Variants in BCAR3 observed in about 807,000 individuals in gnomAD.
BCAR3 encodes BCAR3 adaptor protein, NSP family member.
BCAR3 carries 37 observed loss-of-function variants against 80.1 expected under a neutral mutation model. The observed-to-expected ratio is 0.46, with a 90% CI of 0.36 to 0.61. The LOEUF is 0.61. Among genes scored for constraint, BCAR3 ranks in the 20% least tolerant of loss-of-function variants. The pLI is 0.00. For synonymous variants in BCAR3, 389 were observed against 418.9 expected, an observed-to-expected ratio of 0.93 and a Z score of 0.87; for missense variants, 978 against 1,068.2, an observed-to-expected ratio of 0.92 and a Z score of 1.18.
At chr1:93,660,394 T>C (rs1361847415) in intron 2 of BCAR3, among the ~76,000 whole-genome samples, 2 of 152,208 alleles carry the variant, frequency 1.3e-5, no homozygotes, top group Non-Finnish European at 2.9e-5. Flanking sequence ...TGAATCTCTC[T>C]GAACATGTTT....
chr1:93,621,037 G>A (rs879419830), intron 3 of BCAR3, among the ~76,000 whole-genome samples: 6 of 152,204 alleles, frequency 3.9e-5, no homozygotes, highest in African/African-American at 1.2e-4. Context: ...GGGATCACCC[G>A]CCTAGGAAGG....
At chr1:93,608,132 G>A (rs1346936292) in intron 3 of BCAR3, among the ~76,000 whole-genome samples, 1 of 152,186 alleles carries the variant, frequency 6.6e-6, no homozygotes, top group Non-Finnish European at 1.5e-5. Flanking sequence ...TAGACACTGG[G>A]GAGAGTTCTT....
chr1:93,847,697 C>T (rs980968343), upstream of BCAR3: 1 of 150,700 alleles, frequency 6.6e-6, no homozygotes, highest in South Asian at 2.0e-4. Context: ...TATTTTCTGC[C>T]TCCATCATGT....
At chr1:93,563,041 G>A (rs1672767880) in intron 11 of BCAR3, among the ~76,000 whole-genome samples, 1 of 152,112 alleles carries the variant, frequency 6.6e-6, no homozygotes, top group Admixed American at 6.5e-5. Flanking sequence ...ATTGTACCTA[G>A]GAGTTCGTTA....
chr1:93,711,806 A>C (rs894395600), intron 2 of BCAR3, among the ~76,000 whole-genome samples: 8 of 152,172 alleles, frequency 5.3e-5, no homozygotes, highest in Non-Finnish European at 1.0e-4. Flanking sequence ...CTGCTAAGGA[A>C]GCACCTACAG....
intron 8 of BCAR3, among the ~76,000 whole-genome samples, chr1:93,572,549 G>C (rs6666778): frequency 0.16 from 25,016 of 152,194 alleles, 2,266 homozygotes; most frequent in Non-Finnish European, 0.2. Flanking sequence ...ACCCAAAACA[G>C]GAAGCAGGGT....
At chr1:93,611,962 C>T (rs922849530) in intron 3 of BCAR3, among the ~76,000 whole-genome samples, 1 of 152,098 alleles carries the variant, frequency 6.6e-6, no homozygotes, top group Non-Finnish European at 1.5e-5. Flanking sequence ...TTCCTCTTTG[C>T]TATCAGGCAA....
At chr1:93,693,060 C>A (rs1477480300) in intron 3 of BCAR3, among the ~76,000 whole-genome samples, 1 of 152,106 alleles carries the variant, frequency 6.6e-6, no homozygotes, top group African/African-American at 2.4e-5. Context: ...CTCTCCAGTG[C>A]CCGGGGTTTG....
At chr1:93,583,988 C>T (rs763710747) in intron 6 of BCAR3, 30 bp downstream of exon 6, 23 of 1,596,850 alleles carry the variant, frequency 1.4e-5, no homozygotes, top group Admixed American at 6.7e-5. Flanking sequence ...GTAACACTGA[C>T]GTTCTCCCTG....
In BCAR3 at chr1:93,814,183, C is replaced by A. The variant is rs562829710; in HGVS notation, c.-63+31384G>T. On this transcript the variant is annotated intron_variant, in intron 2 of 13. Coordinates refer to the BCAR3 transcript ENST00000370244. ...ATGGCCTCTTGGTGGAGGCTGTCCT[C>A]TGCTGGTTATTCTCAACATTGCATC... is the stretch of plus-strand genomic sequence containing the variant. 1.1e-4 allele frequency among the ~76,000 whole-genome samples: 16 copies of A among 152,308 alleles called. No homozygotes were observed. In the South Asian group the frequency reaches 2.9e-3, roughly 28 times the overall value.
At chr1:93,754,235 T>C (rs1324885550) in intron 2 of BCAR3, 1 of 152,192 alleles carries the variant, frequency 6.6e-6, no homozygotes, top group Non-Finnish European at 1.5e-5. Context: ...AACTGCTCAG[T>C]CAGCCTTCCG....
At chr1:93,743,142 G>GT (rs1651236922) in intron 2 of BCAR3, among the ~76,000 whole-genome samples, 1 of 152,162 alleles carries the variant, frequency 6.6e-6, no homozygotes, top group Non-Finnish European at 1.5e-5. Context: ...CAGTGCCAAA[G>GT]TGAATACAGT....
chr1:93,743,102 A>T (rs1346308520), intron 2 of BCAR3, among the ~76,000 whole-genome samples: 1 of 152,232 alleles, frequency 6.6e-6, no homozygotes. Context: ...ATATTTGATC[A>T]GTTTTTGTTA....
intron 2 of BCAR3, 134 bp from the exon 3 acceptor site, chr1:93,642,477 A>T: frequency 1.2e-6 from 1 of 814,916 alleles, no homozygotes; most frequent in Non-Finnish European, 2.0e-6. Context: ...CAGTATTCAC[A>T]ACAGGGTGTG....
chr1:93,623,645 G>A (rs1446567099), intron 3 of BCAR3, among the ~76,000 whole-genome samples: 1 of 152,180 alleles, frequency 6.6e-6, no homozygotes, highest in African/African-American at 2.4e-5. Context: ...TCCTAAAAAT[G>A]TTTTCCTTCC....
intron 2 of BCAR3, among the ~76,000 whole-genome samples, chr1:93,746,762 C>G (rs1418810339): frequency 6.6e-6 from 1 of 152,170 alleles, no homozygotes; most frequent in African/African-American, 2.4e-5. Flanking sequence ...ACTAACACAA[C>G]TCCCACACTC....
At chr1:93,640,872 A>G (rs1354718438) in intron 3 of BCAR3, among the ~76,000 whole-genome samples, 1 of 152,268 alleles carries the variant, frequency 6.6e-6, no homozygotes, top group Non-Finnish European at 1.5e-5. Context: ...GTGGTAGGAG[A>G]TAGCCAATTT....
intron 2 of BCAR3, among the ~76,000 whole-genome samples, chr1:93,749,886 C>CTTTTTTTTTT (rs754541949): frequency 3.6e-5 from 5 of 140,398 alleles, no homozygotes; most frequent in Non-Finnish European, 6.1e-5. Flanking sequence ...ATGATCTTGA[C>CTTTTTTTTTT]TTATTTTTTT....
In BCAR3 at chr1:93,587,355, A is replaced by G. The variant is rs1354711143; in HGVS notation, c.929+1622T>C. Among the ~76,000 whole-genome samples, 4 of 152,120 alleles carry G rather than the reference A, an allele frequency of 2.6e-5. No individual in the cohort carries two copies. The East Asian group carries it at 7.7e-4, about 29-fold the overall frequency. ...TCTGACATTCTACTCTCCTCCAGAT[A>G]ATAATTATCATGAGCACTTCCCTAG... On this transcript the variant is annotated intron_variant, in intron 5 of 11. Coordinates refer to ENST00000260502, the MANE Select transcript of BCAR3 (RefSeq NM_003567.4).
Sources: gnomAD v4.1 joint callset for allele counts (sites outside exome capture counted in the v4.1 genomes callset) on GRCh38, gnomAD v4.1.1 for gene constraint, MANE v1.5 for transcripts, NCBI Gene and HGNC (gene_info 2026-07-23, HGNC 2026-07-21) for gene names.